The following ATAD1 variants were observed in gnomAD, a reference collection of about 807,000 sequenced individuals.
The protein encoded by ATAD1 is ATPase family AAA domain containing 1, also known as outer mitochondrial transmembrane helix translocase.
In ATAD1, 18 loss-of-function variants were observed where a neutral mutation model predicts 42.7. The ratio of observed to expected loss-of-function variants is 0.42; its 90% CI spans 0.29 to 0.63. The LOEUF is 0.63. Ranked by LOEUF, ATAD1 falls within the 20% of genes least tolerant of loss-of-function variation. The pLI is 0.19. For synonymous variants in ATAD1, 132 were observed against 143.1 expected (o/e 0.92, Z 0.55); for missense variants, 294 against 440.4 (o/e 0.67, Z 2.98).
intron 2 of ATAD1, among the ~76,000 whole-genome samples, chr10:87,799,744 AAAT>A (rs1223722956): frequency 6.6e-6 from 1 of 151,996 alleles, no homozygotes; most frequent in African/African-American, 2.4e-5. Context: ...AGTTATACTA[AAAT>A]AATAAATATT....
At chr10:87,763,589 C>G (rs1031466128) in intron 8 of ATAD1, among the ~76,000 whole-genome samples, 1 of 152,144 alleles carries the variant, frequency 6.6e-6, no homozygotes, top group Non-Finnish European at 1.5e-5. Flanking sequence ...GGGAGGATCA[C>G]TTGAGCCCAG....
At chr10:87,794,891 T>A (rs967689023) in intron 2 of ATAD1, among the ~76,000 whole-genome samples, 1 of 152,236 alleles carries the variant, frequency 6.6e-6, no homozygotes, top group African/African-American at 2.4e-5. Flanking sequence ...ACCTAAGATC[T>A]CTTTCCTGCA....
intron 1 of ATAD1, among the ~76,000 whole-genome samples, chr10:87,839,291 T>C (rs1357449176): frequency 6.6e-6 from 1 of 152,228 alleles, no homozygotes; most frequent in Non-Finnish European, 1.5e-5. Context: ...CAAGGCTAGG[T>C]GACCTAGGTC....
chr10:87,829,344 C>T (rs1340538469), intron 1 of ATAD1, among the ~76,000 whole-genome samples: 1 of 151,838 alleles, frequency 6.6e-6, no homozygotes, highest in Non-Finnish European at 1.5e-5. Context: ...CAACCTCTTC[C>T]TCCCGGGTTC....
chr10:87,760,742 A>G (rs928332321), intron 8 of ATAD1, among the ~76,000 whole-genome samples: 1 of 152,070 alleles, frequency 6.6e-6, no homozygotes, highest in African/African-American at 2.4e-5. Context: ...AATGTAGGAG[A>G]CTGTCAGTTC....
intron 2 of ATAD1, among the ~76,000 whole-genome samples, chr10:87,809,807 C>T (rs1030199030): frequency 6.6e-6 from 1 of 151,868 alleles, no homozygotes; most frequent in South Asian, 2.1e-4. Context: ...CCACCACGCC[C>T]GGCTAATTTT....
rs560012847 is a variant in ATAD1 at position 87,818,199 on chromosome 10, C to A, written c.-46G>T. ...CAGAAACAGCAAGAGCAAGTGCCCT[C>A]AGCCGGCCTCACACAGGAAGGAAAC... On this transcript the variant is annotated 5_prime_UTR_variant, in exon 1 of 10. Coordinates refer to ENST00000680024, the MANE Select transcript of ATAD1 (RefSeq NM_001321967.2). The A allele has an allele frequency of 6.1e-6, 6 of 985,704 alleles. No individual in the cohort carries two copies. Among genetic ancestry groups the A allele is most frequent in the Non-Finnish European group, 7.2e-6 (6 of 830,128 alleles). The allele number at this position is 985,704 out of a possible 1,614,324, so 61.1% of individuals were successfully genotyped here.
intron 5 of ATAD1, among the ~76,000 whole-genome samples, chr10:87,782,934 G>T (rs1855638865): frequency 6.6e-6 from 1 of 151,796 alleles, no homozygotes; most frequent in Admixed American, 6.6e-5. Flanking sequence ...GGAGGTCAAG[G>T]TTGCAGTGAG....
intron 8 of ATAD1, among the ~76,000 whole-genome samples, chr10:87,767,039 A>G (rs1854785412): frequency 6.6e-6 from 1 of 152,228 alleles, no homozygotes; most frequent in African/African-American, 2.4e-5. Flanking sequence ...AATGCAATTA[A>G]GTAAAAAACA....
intron 1 of ATAD1, 71 bp from the exon 2 acceptor site, chr10:87,814,683 G>A: frequency 2.5e-6 from 3 of 1,185,058 alleles, no homozygotes; most frequent in South Asian, 3.3e-5. Flanking sequence ...TAACAAAGTA[G>A]CTTAAACTAA....
chr10:87,817,577 T>C (rs1430602060), intron 1 of ATAD1, among the ~76,000 whole-genome samples: 2 of 152,228 alleles, frequency 1.3e-5, no homozygotes, highest in Admixed American at 6.5e-5. Flanking sequence ...TCCTAATTCA[T>C]TGCAGTATTT....
chr10:87,835,001 T>G (rs1431734146), intron 1 of ATAD1, among the ~76,000 whole-genome samples: 1 of 152,082 alleles, frequency 6.6e-6, no homozygotes, highest in Non-Finnish European at 1.5e-5. Flanking sequence ...ATTTTTTCCT[T>G]TTGGCTTCCT....
chr10:87,811,795 T>C (rs1463309468), intron 2 of ATAD1, among the ~76,000 whole-genome samples: 1 of 152,164 alleles, frequency 6.6e-6, no homozygotes, highest in Non-Finnish European at 1.5e-5. Context: ...TTTTCTGAGA[T>C]TCAGACCTGC....
chr10:87,808,681 T>G (rs1044596868), intron 2 of ATAD1, among the ~76,000 whole-genome samples: 1 of 152,230 alleles, frequency 6.6e-6, no homozygotes, highest in African/African-American at 2.4e-5. Flanking sequence ...TCATACAGGT[T>G]TTATTCTTTA....
intron 2 of ATAD1, among the ~76,000 whole-genome samples, chr10:87,812,070 C>CT (rs1434756111): frequency 1.3e-5 from 2 of 152,086 alleles, no homozygotes; most frequent in Middle Eastern, 3.2e-3. Context: ...CAAGTCATTC[C>CT]TTTTGTCACC....
intron 4 of ATAD1, among the ~76,000 whole-genome samples, chr10:87,787,827 T>C (rs1338357264): frequency 6.6e-6 from 1 of 152,198 alleles, no homozygotes; most frequent in East Asian, 1.9e-4. Context: ...AATATGGGTC[T>C]TTATAACAGA....
At chr10:87,760,277 A>G (rs1302004314) in intron 8 of ATAD1, among the ~76,000 whole-genome samples, 1 of 152,110 alleles carries the variant, frequency 6.6e-6, no homozygotes, top group Non-Finnish European at 1.5e-5. Flanking sequence ...TGATTGGATT[A>G]TGGGGACAGA....
chr10:87,754,675 TG>T lies in ATAD1; in HGVS notation c.*11del, dbSNP rs764000575. The T allele has an allele frequency of 1.2e-5, 20 of 1,611,134 alleles. No homozygotes were observed. In the South Asian group the frequency reaches 2.1e-4, roughly 17 times the overall value. On this transcript the variant is annotated 3_prime_UTR_variant, in exon 10 of 10. Transcript: ENST00000680024. ...AAACTAGATCACTGAACTGTACAAATGATCTTTACTCTTAATCTAAACAAAC... is the reference window on the plus strand; with the variant it reads ...AAACTAGATCACTGAACTGTACAAATATCTTTACTCTTAATCTAAACAAAC...
intron 5 of ATAD1, among the ~76,000 whole-genome samples, chr10:87,780,451 T>C (rs1442327559): frequency 2.0e-5 from 3 of 152,194 alleles, no homozygotes; most frequent in Admixed American, 1.3e-4. Context: ...TAACAATGTA[T>C]CAATACTGGT....
Sources: allele counts gnomAD v4.1 joint callset (sites outside exome capture counted in the v4.1 genomes callset), GRCh38; gene constraint gnomAD v4.1.1; transcripts MANE v1.5; gene names NCBI Gene and HGNC (gene_info 2026-07-23, HGNC 2026-07-21).